TTLL11: variants seen among roughly 807,000 people sequenced by gnomAD.
TTLL11 encodes the protein tubulin tyrosine ligase like 11, also known as tubulin polyglutamylase TTLL11.
Under a neutral mutation model 51.7 loss-of-function variants are expected in TTLL11, and 42 were observed. That is an observed-to-expected ratio of 0.81 (90% CI 0.64 to 1.05). TTLL11 has a LOEUF of 1.05. TTLL11 is among the 50% of genes least tolerant of loss of function. TTLL11 has a pLI of 0.00. For missense variants in TTLL11, 799 were observed against 940.4 expected, an observed-to-expected ratio of 0.85 and a Z score of 1.97; for synonymous variants, 381 against 383.5, an observed-to-expected ratio of 0.99 and a Z score of 0.08.
intron 1 of TTLL11, among the ~76,000 whole-genome samples, chr9:122,049,293 C>T (rs552958001): frequency 2.0e-5 from 3 of 152,028 alleles, no homozygotes; most frequent in South Asian, 2.1e-4. Flanking sequence ...GCTATTAACC[C>T]GATGATAAAG....
chr9:121,920,469 C>T (rs1840493784), intron 6 of TTLL11, among the ~76,000 whole-genome samples: 1 of 152,176 alleles, frequency 6.6e-6, no homozygotes, highest in East Asian at 1.9e-4. Flanking sequence ...CCATATCTCT[C>T]TGGTAAACGA....
In TTLL11 at chr9:121,879,535, T is replaced by A. The variant is rs1230883298; in HGVS notation, c.1482-8787A>T. On this transcript the variant is annotated intron_variant, in intron 6 of 8. Transcript: ENST00000321582. ...TTTGAGTTAGAAGGGGCACTAGCAA[T>A]GACCATGTGTCATTTTCCTTCTGAA... is the stretch of plus-strand genomic sequence containing the variant. Among the ~76,000 whole-genome samples, 3 of 152,242 alleles carry A rather than the reference T, an allele frequency of 2.0e-5. No individual in the cohort carries two copies. The East Asian group carries it at 5.8e-4, about 29-fold the overall frequency.
chr9:122,031,074 T>C (rs1238714080), intron 3 of TTLL11, among the ~76,000 whole-genome samples: 1 of 152,254 alleles, frequency 6.6e-6, no homozygotes, highest in Non-Finnish European at 1.5e-5. Flanking sequence ...CCCAGAGTTA[T>C]GGGACAGACT....
Position 122,024,391 on chromosome 9 carries a change from C to G in TTLL11, c.693+7332G>C, listed in dbSNP as rs142926123. ...AGTGATATATAGATTCAGCACAATT[C>G]CATTCAAAATCCCAGTGGGCTTTTT... On this transcript the variant is annotated intron_variant, in intron 3 of 8. Coordinates refer to ENST00000321582, the MANE Select transcript of TTLL11 (RefSeq NM_001139442.2). Among the ~76,000 whole-genome samples the G allele has an allele frequency of 4.2e-3, 647 of 152,236 alleles. 7 individuals are homozygous for G. Among genetic ancestry groups the G allele is most frequent in the African/African-American group, 0.015 (625 of 41,554 alleles).
At chr9:121,870,822 C>G in intron 6 of TTLL11, 74 bp from the exon 7 acceptor site, 1 of 1,433,648 alleles carries the variant, frequency 7.0e-7, no homozygotes, top group Non-Finnish European at 9.3e-7. Flanking sequence ...TTACAGCCTC[C>G]TCGGGAGGCA....
chr9:122,033,942 G>A (rs1028066236), intron 2 of TTLL11, among the ~76,000 whole-genome samples: 1 of 152,148 alleles, frequency 6.6e-6, no homozygotes, highest in Non-Finnish European at 1.5e-5. Context: ...ATTCTCCCTC[G>A]AAATTAGAAT....
intron 1 of TTLL11, among the ~76,000 whole-genome samples, chr9:122,088,198 C>G (rs563604741): frequency 6.6e-6 from 1 of 152,226 alleles, no homozygotes; most frequent in Admixed American, 6.5e-5. Flanking sequence ...TCCACTCCCC[C>G]ATATGCTCCC....
chr9:121,866,568 G>A (rs947860186), intron 7 of TTLL11, among the ~76,000 whole-genome samples: 7 of 150,676 alleles, frequency 4.6e-5, no homozygotes, highest in African/African-American at 1.7e-4. Context: ...GCTGAGACAG[G>A]AGAATTACTT....
Position 121,822,658 on chromosome 9 carries a change from C to A in TTLL11, c.2062G>T (p.Ala688Ser). The A allele has an allele frequency of 6.6e-7, 1 of 1,514,314 alleles. No homozygotes were observed. Among genetic ancestry groups the A allele is most frequent in the Middle Eastern group, 2.3e-4 (1 of 4,346 alleles). The allele number at this position is 1,514,314 out of a possible 1,614,324, so 93.8% of individuals were successfully genotyped here. ...PQEPSPSAQP[A>S]GDNPPPRTSC... is the part of the protein sequence containing the mutation. ...GTGCGGGGTGGGGGGTTGTCCCCTG[C>A]TGGCTGGGCCGAGGGGGAGGGCTCC... The change falls in exon 9 of 9, where the codon GCA becomes TCA. Residue 688 changes from alanine to serine, a missense_variant. Physicochemically the swap from Ala to Ser is moderately conservative, Grantham distance 99. Transcript: ENST00000321582. This position sits in a 1 kb window ranked among gnomAD's most constrained non-coding sequence, Gnocchi z 5.8.
chr9:121,945,856 T>G (rs1039924462), intron 6 of TTLL11, among the ~76,000 whole-genome samples: 2 of 152,060 alleles, frequency 1.3e-5, no homozygotes, highest in African/African-American at 4.8e-5. Context: ...ACACTCCACT[T>G]CCCTGGAAAG....
intron 3 of TTLL11, among the ~76,000 whole-genome samples, chr9:122,012,675 C>T (rs1433348779): frequency 7.2e-6 from 1 of 138,512 alleles, no homozygotes; most frequent in South Asian, 2.1e-4. Context: ...CACACACACA[C>T]ACGCACACAC....
Position 121,953,088 on chromosome 9 carries a change from T to A in TTLL11, c.1481+20921A>T, listed in dbSNP as rs80171737. On this transcript the variant is annotated intron_variant, in intron 6 of 8. Transcript: ENST00000321582. The stretch of plus-strand genomic sequence containing the variant: ...GGCAGATGTGTGATAAATAGCCCCA[T>A]ACATTATTATGCTATATGAATGTAA... Among the ~76,000 whole-genome samples, 1,060 of 152,304 alleles carry A rather than the reference T, an allele frequency of 7.0e-3. 8 individuals are homozygous for A. Among genetic ancestry groups the A allele is most frequent in the Non-Finnish European group, 0.011 (764 of 68,018 alleles).
intron 3 of TTLL11, among the ~76,000 whole-genome samples, chr9:122,001,338 C>T (rs1401128207): frequency 6.6e-6 from 1 of 152,152 alleles, no homozygotes; most frequent in African/African-American, 2.4e-5. Flanking sequence ...TCAGGTGATC[C>T]ACCCACCTTG....
At position 121,821,982 on chromosome 9, in the gene TTLL11, T is replaced by A. The variant is rs7023859; in HGVS notation, c.*605A>T. On this transcript the variant is annotated 3_prime_UTR_variant, in exon 9 of 9. Transcript: ENST00000321582. The surrounding 1 kb of genome is among the most constrained non-coding windows in gnomAD (Gnocchi z 5.0). ...GGAGTCTTAGTTACTTCTTAATTAATTTTTTCTTAATTAATAACAAACCAA... is the reference window on the plus strand; with the variant it reads ...GGAGTCTTAGTTACTTCTTAATTAAATTTTTCTTAATTAATAACAAACCAA... The A allele has an allele frequency of 6.6e-6, 1 of 152,158 alleles. No homozygotes were observed. Among genetic ancestry groups the A allele is most frequent in the Non-Finnish European group, 1.5e-5 (1 of 68,034 alleles). The allele number at this position is 152,158 out of a possible 1,614,324, so 9.4% of individuals were successfully genotyped here.
Position 122,041,747 on chromosome 9 carries a change from A to G in TTLL11, c.463-2379T>C, listed in dbSNP as rs539731612. On this transcript the variant is annotated intron_variant, in intron 1 of 8. Coordinates refer to ENST00000321582, the MANE Select transcript of TTLL11 (RefSeq NM_001139442.2). Reference sequence around the variant, plus strand: ...ACTTGTACACTGAAAACTATAAAATATTTGTAAAAGAAATTAAAGAAGATA... The same window carrying G: ...ACTTGTACACTGAAAACTATAAAATGTTTGTAAAAGAAATTAAAGAAGATA... Among the ~76,000 whole-genome samples the G allele has an allele frequency of 1.3e-3, 195 of 152,296 alleles. 1 individual carries two copies. Among genetic ancestry groups the G allele is most frequent in the Non-Finnish European group, 2.6e-3 (174 of 68,022 alleles).
intron 1 of TTLL11, among the ~76,000 whole-genome samples, chr9:122,057,621 C>T (rs564040357): frequency 6.6e-5 from 10 of 152,246 alleles, no homozygotes; most frequent in African/African-American, 2.2e-4. Context: ...GCCACTACCC[C>T]GCCAATCATA....
intron 8 of TTLL11, among the ~76,000 whole-genome samples, chr9:121,835,235 C>T (rs949396905): frequency 1.1e-4 from 16 of 152,192 alleles, no homozygotes; most frequent in South Asian, 2.1e-4. Flanking sequence ...GATTCCCACT[C>T]GGCATTACCA....
intron 6 of TTLL11, among the ~76,000 whole-genome samples, chr9:121,899,402 T>TATATATACAC (rs1465376759): frequency 4.8e-5 from 4 of 82,786 alleles, no homozygotes; most frequent in East Asian, 7.1e-4. Context: ...TATATATATA[T>TATATATACAC]ACACACACAC....
At chr9:121,847,543 T>G (rs1351127757) in intron 8 of TTLL11, among the ~76,000 whole-genome samples, 3 of 152,150 alleles carry the variant, frequency 2.0e-5, no homozygotes, top group Admixed American at 6.5e-5. Flanking sequence ...TGTCTACAAA[T>G]TTGATTAGAT....
Sources: gnomAD v4.1 joint callset for allele counts (sites outside exome capture counted in the v4.1 genomes callset) on GRCh38, gnomAD v4.1.1 for gene constraint, Gnocchi (gnomAD v3.1) non-coding constraint, MANE v1.5 for transcripts, NCBI Gene and HGNC (gene_info 2026-07-23, HGNC 2026-07-21) for gene names.